ITGAE: variants seen among roughly 807,000 people sequenced by gnomAD.
ITGAE encodes the protein integrin alpha-E.
A neutral mutation model predicts 136.5 loss-of-function variants in ITGAE; 99 were observed. The observed-to-expected ratio is 0.73, with a 90% CI of 0.62 to 0.86. The LOEUF is 0.86. ITGAE is among the 40% of genes least tolerant of loss of function. The pLI is 0.00. For synonymous variants in ITGAE, 613 were observed against 591.8 expected (o/e 1.04, Z -0.52); for missense variants, 1,447 against 1,515.3 (o/e 0.95, Z 0.75).
chr17:3,725,594 A>G, intron 26 of ITGAE: 1 of 1,614,226 alleles, frequency 6.2e-7, no homozygotes, highest in Non-Finnish European at 8.5e-7. Context: ...GCAACCGCAC[A>G]GAAGGCTTTA....
At chr17:3,756,034 A>G in intron 10 of ITGAE, 137 bp from the exon 11 acceptor site, 2 of 764,684 alleles carry the variant, frequency 2.6e-6, no homozygotes, top group South Asian at 3.2e-5. Flanking sequence ...GGCTGAGGGT[A>G]GAGACCCAGG....
rs1469073072 is a variant in ITGAE, at chr17:3,755,900, G to A, written c.1172-3C>T. On this transcript the variant is annotated splice_polypyrimidine_tract_variant and splice_region_variant and intron_variant, in intron 10 of 30. Transcript: ENST00000263087. ...GTGAAGGGCGTCTCCAACCGTGCCT[G>A]CAAGCCAAGAAGCCCAGTGAGACTG... The A allele has an allele frequency of 5.3e-5, 85 of 1,592,258 alleles. No individual in the cohort carries two copies. Among genetic ancestry groups the A allele is most frequent in the Non-Finnish European group, 7.1e-5 (83 of 1,169,320 alleles).
At chr17:3,717,970 T>C (rs1277465446) in intron 29 of ITGAE, 1 of 152,138 alleles carries the variant, frequency 6.6e-6, no homozygotes, top group African/African-American at 2.4e-5. Flanking sequence ...GTAGAAGAAA[T>C]GTCCCTATTT....
At chr17:3,749,143 C>T (rs1351825174) in intron 16 of ITGAE, among the ~76,000 whole-genome samples, 1 of 150,270 alleles carries the variant, frequency 6.7e-6, no homozygotes, top group African/African-American at 2.5e-5. Context: ...ATGACGCCTA[C>T]GTTTTCATCC....
Position 3,761,031 on chromosome 17 carries a change from C to CGTCTTCCTCCTCCTCCTT in ITGAE, c.562_579dup (p.Lys188_Asp193dup), listed in dbSNP as rs770375864. The CGTCTTCCTCCTCCTCCTT allele has an allele frequency of 3.4e-4, 542 of 1,604,060 alleles. 8 individuals carry two copies. The highest frequency in any genetic ancestry group is 3.4e-3 in the South Asian group (305 of 90,990). On this transcript the variant is annotated inframe_insertion, in exon 6 of 31. Coordinates refer to ENST00000263087, the MANE Select transcript of ITGAE (RefSeq NM_002208.5). ...TTCTCACCAGCTTCCTCCTCCTCCTCGTCTTCCTCCTCCTCCTTGTCTTCC... is the reference window on the plus strand; with the variant it reads ...TTCTCACCAGCTTCCTCCTCCTCCTCGTCTTCCTCCTCCTCCTTGTCTTCCTCCTCCTCCTTGTCTTCC...
intron 18 of ITGAE, among the ~76,000 whole-genome samples, chr17:3,744,504 T>C (rs145055602): frequency 0.016 from 2,414 of 150,162 alleles, 22 homozygotes; most frequent in Non-Finnish European, 0.025. Context: ...TGGAGTGCAG[T>C]GGCTCGATCT....
At chr17:3,740,017 G>T (rs1031539319) in intron 19 of ITGAE, 139 bp from the exon 20 acceptor site, 1 of 689,234 alleles carries the variant, frequency 1.5e-6, no homozygotes, top group East Asian at 2.7e-5. Context: ...GAGGTGAGGG[G>T]TGCAGGCTGG....
chr17:3,797,218 T>G (rs1055850468), intron 1 of ITGAE, among the ~76,000 whole-genome samples: 1 of 141,654 alleles, frequency 7.1e-6, no homozygotes, highest in Non-Finnish European at 1.5e-5. Context: ...CAGGCTGGAG[T>G]GCAGTGGCGC....
At chr17:3,796,968 A>G (rs1567566523) in intron 1 of ITGAE, among the ~76,000 whole-genome samples, 2 of 151,804 alleles carry the variant, frequency 1.3e-5, no homozygotes, top group Non-Finnish European at 2.9e-5. Flanking sequence ...ACTGTGCCTC[A>G]GAGCCATCTG....
chr17:3,725,567 C>A, intron 26 of ITGAE: 5 of 1,614,242 alleles, frequency 3.1e-6, no homozygotes, highest in Non-Finnish European at 4.2e-6. Flanking sequence ...AGTTGAGCCT[C>A]TTATCCGGTG....
At chr17:3,757,499 C>T (rs528682344) in intron 9 of ITGAE, among the ~76,000 whole-genome samples, 17 of 152,278 alleles carry the variant, frequency 1.1e-4, no homozygotes, top group African/African-American at 4.1e-4. Flanking sequence ...CTGTGGCTCT[C>T]CCACCACTAT....
At chr17:3,777,733 A>G in intron 1 of ITGAE, 73 bp from the exon 2 acceptor site, 1 of 1,512,748 alleles carries the variant, frequency 6.6e-7, no homozygotes, top group Non-Finnish European at 8.9e-7. Flanking sequence ...CTGTGGTGTC[A>G]TGAACCCCGT....
chr17:3,736,463 ATATT>A (rs1397927388), intron 20 of ITGAE, among the ~76,000 whole-genome samples: 3 of 152,184 alleles, frequency 2.0e-5, no homozygotes, highest in African/African-American at 7.2e-5. Flanking sequence ...CCATGCCACA[ATATT>A]TATGGGGCAC....
At chr17:3,755,370 G>T in intron 11 of ITGAE, 109 bp from the exon 12 acceptor site, 1 of 1,292,922 alleles carries the variant, frequency 7.7e-7, no homozygotes, top group Non-Finnish European at 1.0e-6. Context: ...GAGCAGGGGG[G>T]CGTTCGGTGG....
At chr17:3,763,303 CA>C (rs1403019631) in intron 3 of ITGAE, among the ~76,000 whole-genome samples, 10 of 106,224 alleles carry the variant, frequency 9.4e-5, no homozygotes, top group Admixed American at 8.0e-4. Flanking sequence ...ATGAGTGAAT[CA>C]GGTTCATTCA....
At chr17:3,723,666 C>G in intron 27 of ITGAE, 22 bp downstream of exon 27, 1 of 1,570,880 alleles carries the variant, frequency 6.4e-7, no homozygotes, top group Non-Finnish European at 8.6e-7. Context: ...CTCCCCTGGC[C>G]TCTCGGGACG....
intron 2 of ITGAE, among the ~76,000 whole-genome samples, chr17:3,767,905 T>C (rs902440397): frequency 6.6e-6 from 1 of 152,144 alleles, no homozygotes; most frequent in African/African-American, 2.4e-5. Context: ...AAGCTTACTA[T>C]GCTGCAGGCT....
intron 15 of ITGAE, 152 bp downstream of exon 15, chr17:3,751,498 C>G (rs2051865759): frequency 1.5e-6 from 1 of 674,338 alleles, no homozygotes; most frequent in South Asian, 1.9e-5. Context: ...GAAGCTCCCC[C>G]TAGCCTGGGG....
chr17:3,767,667 A>G (rs542119022), intron 2 of ITGAE, among the ~76,000 whole-genome samples: 117 of 152,248 alleles, frequency 7.7e-4, no homozygotes, highest in African/African-American at 2.6e-3. Flanking sequence ...TCTGTTGTCC[A>G]GGCTGGAGTG....
Sources: allele counts gnomAD v4.1 joint callset (sites outside exome capture counted in the v4.1 genomes callset), GRCh38; gene constraint gnomAD v4.1.1; transcripts MANE v1.5; gene names NCBI Gene and HGNC (gene_info 2026-07-23, HGNC 2026-07-21).